HS3ST5: variants seen among roughly 807,000 people sequenced by gnomAD.
The protein encoded by HS3ST5 is heparan sulfate-glucosamine 3-sulfotransferase 5.
In HS3ST5, 10 loss-of-function variants were observed where a neutral mutation model predicts 25.4. That is an observed-to-expected ratio of 0.39 (90% CI 0.24 to 0.67). The LOEUF (loss-of-function observed/expected upper bound fraction) is 0.67. HS3ST5 is among the 30% of genes least tolerant of loss of function. The pLI is 0.44. For missense variants in HS3ST5, 324 were observed against 420.7 expected (o/e 0.77, Z 2.01); for synonymous variants, 170 against 162.4 (o/e 1.05, Z -0.36).
intron 1 of HS3ST5, among the ~76,000 whole-genome samples, chr6:114,298,863 C>T (rs888483980): frequency 4.6e-5 from 7 of 152,152 alleles, no homozygotes; most frequent in Non-Finnish European, 7.3e-5. Flanking sequence ...TGTCATCTCA[C>T]AAGCTGAGGA....
At chr6:114,123,244 C>T (rs1776879765) in intron 3 of HS3ST5, among the ~76,000 whole-genome samples, 1 of 152,156 alleles carries the variant, frequency 6.6e-6, no homozygotes, top group African/African-American at 2.4e-5. Context: ...TGAGCCATCG[C>T]GCCCAGCCAT....
chr6:114,218,318 T>C (rs961353677), intron 2 of HS3ST5, among the ~76,000 whole-genome samples: 54 of 152,292 alleles, frequency 3.5e-4, no homozygotes, highest in Admixed American at 2.4e-3. Flanking sequence ...TTTAAATATA[T>C]TGTTTCCTGT....
At chr6:114,291,810 C>T (rs1000988968) in intron 1 of HS3ST5, among the ~76,000 whole-genome samples, 4 of 152,114 alleles carry the variant, frequency 2.6e-5, no homozygotes, top group Non-Finnish European at 5.9e-5. Context: ...GCTCTAGGGC[C>T]TTGAATTTGA....
At chr6:114,143,943 A>G (rs1212338099) in intron 3 of HS3ST5, 1 of 152,408 alleles carries the variant, frequency 6.6e-6, no homozygotes, top group East Asian at 1.9e-4. Context: ...TCCAGAGGCC[A>G]ATCTGGTCTG....
At chr6:114,213,596 G>T (rs73540394) in intron 2 of HS3ST5, among the ~76,000 whole-genome samples, 10,597 of 151,926 alleles carry the variant, frequency 0.07, 428 homozygotes, top group African/African-American at 0.083. Flanking sequence ...CCTTTTCTTT[G>T]TAACATTCCA....
chr6:114,152,066 G>A (rs533719619), intron 3 of HS3ST5, among the ~76,000 whole-genome samples: 1 of 152,030 alleles, frequency 6.6e-6, no homozygotes, highest in Non-Finnish European at 1.5e-5. Flanking sequence ...GGGTAGCTGG[G>A]ACTACAGGCG....
chr6:114,082,699 T>C (rs934455724), intron 3 of HS3ST5, among the ~76,000 whole-genome samples: 1 of 152,240 alleles, frequency 6.6e-6, no homozygotes, highest in Non-Finnish European at 1.5e-5. Flanking sequence ...TATGTCAGTA[T>C]GTTCAATTCT....
At chr6:114,121,710 AC>A (rs1562205110) in intron 3 of HS3ST5, among the ~76,000 whole-genome samples, 2 of 152,344 alleles carry the variant, frequency 1.3e-5, no homozygotes, top group East Asian at 1.9e-4. Flanking sequence ...TTTTAAAAAA[AC>A]AACCACTGTA....
chr6:114,235,936 G>C (rs1771835278), intron 1 of HS3ST5, among the ~76,000 whole-genome samples: 2 of 152,218 alleles, frequency 1.3e-5, no homozygotes, highest in African/African-American at 4.8e-5. Flanking sequence ...GTAGTGGTCA[G>C]GAGTGGTCCC....
chr6:114,084,526 GTCCACCGCATCACACCCGC>G, intron 3 of HS3ST5: 5 of 759,056 alleles, frequency 6.6e-6, no homozygotes, highest in Non-Finnish European at 1.2e-5. Context: ...CCGAGCCGGC[GTCCACCGCATCACACCCGC>G]TGAGTGAGCT....
chr6:114,255,336 G>T (rs1316627861), intron 1 of HS3ST5, among the ~76,000 whole-genome samples: 3 of 152,180 alleles, frequency 2.0e-5, no homozygotes, highest in Non-Finnish European at 2.9e-5. Flanking sequence ...CTGTGGCTTT[G>T]CAGGGTGCAG....
intron 3 of HS3ST5, among the ~76,000 whole-genome samples, chr6:114,087,969 G>C (rs1475323875): frequency 2.0e-5 from 3 of 152,140 alleles, no homozygotes; most frequent in African/African-American, 7.2e-5. Context: ...CCCTAGCCAT[G>C]AGCACAGCTT....
chr6:114,069,220 G>T (rs900363496), intron 3 of HS3ST5, among the ~76,000 whole-genome samples: 1 of 152,120 alleles, frequency 6.6e-6, no homozygotes, highest in African/African-American at 2.4e-5. Context: ...CCTCTTTTGA[G>T]TATTAGCTCA....
At chr6:114,200,783 T>C (rs566420485) in intron 2 of HS3ST5, among the ~76,000 whole-genome samples, 7 of 152,334 alleles carry the variant, frequency 4.6e-5, no homozygotes, top group Middle Eastern at 3.4e-3. Context: ...AAAATTTGAC[T>C]GAAAAAGAGA....
chr6:114,123,117 C>A lies in HS3ST5; in HGVS notation c.-33+45234G>T, dbSNP rs1033024238. Reference sequence around the variant, plus strand: ...TACAGGCATGCGCCACCGCACCGGGCTAATTTTGTATTTTTAGTAGAGACG... The same window carrying A: ...TACAGGCATGCGCCACCGCACCGGGATAATTTTGTATTTTTAGTAGAGACG... On this transcript the variant is annotated intron_variant, in intron 3 of 4. Transcript: ENST00000312719. 5.9e-5 allele frequency among the ~76,000 whole-genome samples: 9 copies of A among 152,266 alleles called. No homozygotes were observed. In the East Asian group the frequency reaches 1.6e-3, roughly 26 times the overall value.
intron 1 of HS3ST5, among the ~76,000 whole-genome samples, chr6:114,267,656 A>G (rs1773465735): frequency 6.6e-6 from 1 of 152,200 alleles, no homozygotes; most frequent in South Asian, 2.1e-4. Flanking sequence ...TGCTGAATCC[A>G]GGGAACAAGT....
At chr6:114,146,856 G>A (rs55666773) in intron 3 of HS3ST5, among the ~76,000 whole-genome samples, 117 of 152,172 alleles carry the variant, frequency 7.7e-4, no homozygotes, top group African/African-American at 2.6e-3. Context: ...TAACAGCTCC[G>A]AGGCCTCCTG....
chr6:114,114,957 G>C (rs538697157), intron 3 of HS3ST5, among the ~76,000 whole-genome samples: 69 of 152,184 alleles, frequency 4.5e-4, no homozygotes, highest in African/African-American at 1.7e-3. Flanking sequence ...CTTTATAAAT[G>C]CAAGGACAGT....
At chr6:114,224,920 A>T (rs1373272625) in intron 2 of HS3ST5, among the ~76,000 whole-genome samples, 1 of 151,692 alleles carries the variant, frequency 6.6e-6, no homozygotes, top group Non-Finnish European at 1.5e-5. Flanking sequence ...CTGGATAGAT[A>T]ATAGTTGCTT....
Sources: gnomAD v4.1 joint callset for allele counts (sites outside exome capture counted in the v4.1 genomes callset) on GRCh38, gnomAD v4.1.1 for gene constraint, MANE v1.5 for transcripts, NCBI Gene and HGNC (gene_info 2026-07-23, HGNC 2026-07-21) for gene names.